Variants in SLC4A4 observed in about 807,000 individuals in gnomAD.
SLC4A4 encodes electrogenic sodium bicarbonate cotransporter 1.
In SLC4A4, 27 loss-of-function variants were observed where a neutral mutation model predicts 111.5. The ratio of observed to expected loss-of-function variants is 0.24; its 90% CI spans 0.18 to 0.33. SLC4A4 has a LOEUF of 0.33. SLC4A4 is among the 10% of genes least tolerant of loss of function. The pLI is 1.00. For synonymous variants in SLC4A4, 443 were observed against 463.4 expected (o/e 0.96, Z 0.57); for missense variants, 909 against 1,315.5 (o/e 0.69, Z 4.78).
intron 3 of SLC4A4, among the ~76,000 whole-genome samples, chr4:71,281,008 G>A (rs1487108021): frequency 6.6e-6 from 1 of 152,146 alleles, no homozygotes; most frequent in Non-Finnish European, 1.5e-5. Context: ...AAATAAAAAG[G>A]AGAGAATTAA....
intron 20 of SLC4A4, among the ~76,000 whole-genome samples, chr4:71,549,037 T>G (rs1439162211): frequency 6.6e-6 from 1 of 151,922 alleles, no homozygotes; most frequent in Admixed American, 6.6e-5. Context: ...CATGAGGAAA[T>G]ATGTATCTCA....
chr4:71,524,438 T>C (rs934762101), intron 16 of SLC4A4, among the ~76,000 whole-genome samples: 3 of 152,138 alleles, frequency 2.0e-5, no homozygotes, highest in African/African-American at 7.2e-5. Flanking sequence ...CTCCTTCCTG[T>C]AGACTTCCAT....
chr4:71,067,320 A>T (rs1483835797), intron 1 of SLC4A4, among the ~76,000 whole-genome samples: 5 of 152,198 alleles, frequency 3.3e-5, no homozygotes, highest in Non-Finnish European at 7.4e-5. Context: ...AGTTTCTAAA[A>T]CCACAATTAA....
intron 2 of SLC4A4, among the ~76,000 whole-genome samples, chr4:71,100,665 T>A (rs971839484): frequency 6.6e-6 from 1 of 152,216 alleles, no homozygotes; most frequent in Non-Finnish European, 1.5e-5. Context: ...CTGTCCCTGT[T>A]TGCAGATGGC....
intron 2 of SLC4A4, among the ~76,000 whole-genome samples, chr4:71,113,999 G>A (rs1253049942): frequency 6.6e-6 from 1 of 152,156 alleles, no homozygotes; most frequent in Non-Finnish European, 1.5e-5. Context: ...TGTAATCCCA[G>A]CACTTTGGGA....
intron 1 of SLC4A4, among the ~76,000 whole-genome samples, chr4:71,067,487 G>A (rs1741552005): frequency 6.6e-6 from 1 of 152,170 alleles, no homozygotes; most frequent in African/African-American, 2.4e-5. Flanking sequence ...TTCTGTAAAT[G>A]TTTGATGAAG....
At chr4:71,292,842 GTT>G (rs869195687) in intron 3 of SLC4A4, among the ~76,000 whole-genome samples, 6 of 110,172 alleles carry the variant, frequency 5.4e-5, no homozygotes, top group African/African-American at 1.6e-4. Context: ...GGTTTTTTTT[GTT>G]TTTTTTTTTT....
chr4:71,528,942 C>A (rs577480083), intron 16 of SLC4A4, among the ~76,000 whole-genome samples: 2 of 151,884 alleles, frequency 1.3e-5, no homozygotes, highest in African/African-American at 4.8e-5. Context: ...AAAACATTTT[C>A]TTTTTTCATT....
intron 2 of SLC4A4, among the ~76,000 whole-genome samples, chr4:71,125,984 T>TCTGTATTTTG (rs1211669429): frequency 6.6e-6 from 1 of 152,210 alleles, no homozygotes; most frequent in Admixed American, 6.5e-5. Flanking sequence ...ATACGTTTTT[T>TCTGTATTTTG]CTGTATTTTG....
chr4:71,121,591 C>A (rs1019541398), intron 2 of SLC4A4, among the ~76,000 whole-genome samples: 2 of 152,180 alleles, frequency 1.3e-5, no homozygotes, highest in Non-Finnish European at 2.9e-5. Context: ...TTATGTCTAG[C>A]TAGAGGATTG....
intron 14 of SLC4A4, among the ~76,000 whole-genome samples, chr4:71,485,322 G>A (rs1177103590): frequency 6.6e-6 from 1 of 151,476 alleles, no homozygotes; most frequent in Non-Finnish European, 1.5e-5. Flanking sequence ...CACCTAGTTT[G>A]TTGAGAGTTT....
intron 1 of SLC4A4, among the ~76,000 whole-genome samples, chr4:71,073,737 G>T (rs1741729423): frequency 6.6e-6 from 1 of 151,888 alleles, no homozygotes; most frequent in Non-Finnish European, 1.5e-5. Context: ...AACAGTACCT[G>T]CACATAAAAA....
At chr4:71,121,415 G>C (rs1205786580) in intron 2 of SLC4A4, among the ~76,000 whole-genome samples, 1 of 152,222 alleles carries the variant, frequency 6.6e-6, no homozygotes, top group Non-Finnish European at 1.5e-5. Context: ...GCATCCACTA[G>C]GCAAAGCCAG....
chr4:71,289,319 T>A (rs1248027405), intron 3 of SLC4A4, among the ~76,000 whole-genome samples: 1 of 152,216 alleles, frequency 6.6e-6, no homozygotes, highest in Non-Finnish European at 1.5e-5. Flanking sequence ...GGATATGCAT[T>A]GTTTTATATC....
At chr4:71,386,732 C>G (rs1276912438) in intron 6 of SLC4A4, among the ~76,000 whole-genome samples, 2 of 152,066 alleles carry the variant, frequency 1.3e-5, no homozygotes, top group Non-Finnish European at 2.9e-5. Flanking sequence ...TCTCTAAAAA[C>G]TAATTAGAAC....
At position 71,549,615 on chromosome 4, in the gene SLC4A4, A is replaced by G. The variant is rs183732458; in HGVS notation, c.2694+1895A>G. 3.8e-3 allele frequency among the ~76,000 whole-genome samples: 571 copies of G among 151,992 alleles called. 12 individuals carry two copies. The highest frequency in any genetic ancestry group is 0.023 in the Admixed American group (355 of 15,246). ...TTAATACAGTATAAAATCCTAATTCAAAAAAGTCAGATGTGTTTAAAAGTT... is the reference window on the plus strand; with the variant it reads ...TTAATACAGTATAAAATCCTAATTCGAAAAAGTCAGATGTGTTTAAAAGTT... On this transcript the variant is annotated intron_variant, in intron 20 of 25. Transcript: ENST00000264485.
chr4:71,144,472 A>G (rs1346036396), intron 2 of SLC4A4, among the ~76,000 whole-genome samples: 1 of 152,074 alleles, frequency 6.6e-6, no homozygotes, highest in African/African-American at 2.4e-5. Flanking sequence ...AGTTTTTTCC[A>G]ATTCTGTGAA....
chr4:71,467,286 A>G (rs1727457383), intron 13 of SLC4A4, among the ~76,000 whole-genome samples: 1 of 152,128 alleles, frequency 6.6e-6, no homozygotes, highest in African/African-American at 2.4e-5. Flanking sequence ...ACATCATTCA[A>G]TAATGAAAGA....
chr4:71,139,176 T>A (rs1024462643), intron 2 of SLC4A4, among the ~76,000 whole-genome samples: 2 of 117,016 alleles, frequency 1.7e-5, no homozygotes, highest in Non-Finnish European at 3.5e-5. Flanking sequence ...AATTCCCTTT[T>A]CTTTGTGTGT....
Sources: gnomAD v4.1 joint callset for allele counts (sites outside exome capture counted in the v4.1 genomes callset) on GRCh38, gnomAD v4.1.1 for gene constraint, MANE v1.5 for transcripts, NCBI Gene and HGNC (gene_info 2026-07-23, HGNC 2026-07-21) for gene names.